RNLS: variants seen among roughly 807,000 people sequenced by gnomAD.
RNLS encodes renalase.
A neutral mutation model predicts 39.8 loss-of-function variants in RNLS; 39 were observed. That is an observed-to-expected ratio of 0.98 (90% CI 0.76 to 1.28). RNLS has a LOEUF of 1.28. Among genes scored for constraint, RNLS ranks in the 50% most tolerant of loss-of-function variants. RNLS has a pLI of 0.00. For synonymous variants in RNLS, 147 were observed against 150.7 expected, an observed-to-expected ratio of 0.98 and a Z score of 0.18; for missense variants, 410 against 413.3, an observed-to-expected ratio of 0.99 and a Z score of 0.07.
intron 4 of RNLS, among the ~76,000 whole-genome samples, chr10:88,415,274 G>A (rs1247945601): frequency 6.6e-6 from 1 of 152,192 alleles, no homozygotes; most frequent in Admixed American, 6.5e-5. Flanking sequence ...AACAATTGAT[G>A]TTGGGAATAA....
At chr10:88,273,092 T>C (rs1842694651), downstream of RNLS, among the ~76,000 whole-genome samples, 1 of 152,182 alleles carries the variant, frequency 6.6e-6, no homozygotes, top group Non-Finnish European at 1.5e-5. Flanking sequence ...CAGCCTCTGC[T>C]GGAAACATTT....
At chr10:88,255,381 T>C in the RNLS span, among the ~76,000 whole-genome samples, 1 of 152,336 alleles carries the variant, frequency 6.6e-6, no homozygotes, top group Non-Finnish European at 1.5e-5. Context: ...AAACAGCATG[T>C]CTGCCTCCTT....
chr10:88,535,618 C>A (rs1439526289), intron 4 of RNLS, among the ~76,000 whole-genome samples: 2 of 151,858 alleles, frequency 1.3e-5, no homozygotes, highest in Non-Finnish European at 2.9e-5. Context: ...ATAAAAAAAA[C>A]CTAGGTAGTA....
chr10:88,229,240 A>G, the RNLS span, among the ~76,000 whole-genome samples: 2 of 152,336 alleles, frequency 1.3e-5, no homozygotes, highest in East Asian at 3.9e-4. Context: ...TGCCTAAAAT[A>G]AAGAAATGTA....
At chr10:88,216,462 C>A in the RNLS span, among the ~76,000 whole-genome samples, 1 of 152,178 alleles carries the variant, frequency 6.6e-6, no homozygotes, top group Non-Finnish European at 1.5e-5. Context: ...AATATAATGA[C>A]CTCCCAGAAG....
intron 5 of RNLS, among the ~76,000 whole-genome samples, chr10:88,339,668 GT>G (rs1444396014): frequency 6.6e-6 from 1 of 152,164 alleles, no homozygotes; most frequent in African/African-American, 2.4e-5. Flanking sequence ...TACAGGTGTG[GT>G]GTTTTAAAGA....
intron 6 of RNLS, among the ~76,000 whole-genome samples, chr10:88,290,655 A>G (rs1843606440): frequency 2.0e-5 from 3 of 151,674 alleles, no homozygotes; most frequent in African/African-American, 4.9e-5. Context: ...AAAGGAAATA[A>G]AAGAGAAATA....
chr10:88,444,692 G>A (rs187722802), intron 4 of RNLS, among the ~76,000 whole-genome samples: 8 of 152,264 alleles, frequency 5.3e-5, no homozygotes, highest in African/African-American at 1.7e-4. Context: ...TTCAGTAGCC[G>A]ATTCGATCAA....
chr10:88,560,941 AACACACACACACACACACACAC>A (rs35709088), intron 4 of RNLS, among the ~76,000 whole-genome samples: 1 of 145,704 alleles, frequency 6.9e-6, no homozygotes, highest in Non-Finnish European at 1.5e-5. Flanking sequence ...GTTCAGAGAT[AACACACACACACACACACACAC>A]ACACACACAC....
chr10:88,208,384 A>G, the RNLS span, among the ~76,000 whole-genome samples: 2 of 152,178 alleles, frequency 1.3e-5, no homozygotes, highest in Non-Finnish European at 2.9e-5. Context: ...AAAAAAGAAT[A>G]ATTTTATAAA....
At chr10:88,519,359 A>G (rs1846580525) in intron 4 of RNLS, among the ~76,000 whole-genome samples, 1 of 151,936 alleles carries the variant, frequency 6.6e-6, no homozygotes, top group African/African-American at 2.4e-5. Flanking sequence ...TAGACAGTAG[A>G]CTAATGCTTA....
chr10:88,545,423 T>C (rs144808925), intron 4 of RNLS: 256 of 455,972 alleles, frequency 5.6e-4, no homozygotes, highest in Non-Finnish European at 9.1e-4. Context: ...ACAATCACGG[T>C]GGAAGACAAA....
chr10:88,543,687 A>G (rs910969399), intron 4 of RNLS, among the ~76,000 whole-genome samples: 1 of 152,196 alleles, frequency 6.6e-6, no homozygotes, highest in Admixed American at 6.5e-5. Flanking sequence ...AAATAAAATC[A>G]ACCATAATAA....
intron 4 of RNLS, among the ~76,000 whole-genome samples, chr10:88,546,072 T>C (rs1054356178): frequency 6.6e-6 from 1 of 152,064 alleles, no homozygotes; most frequent in Non-Finnish European, 1.5e-5. Context: ...ATATGACAAG[T>C]ACAGTGCCAT....
At chr10:88,179,810 T>C in the RNLS span, among the ~76,000 whole-genome samples, 1 of 152,190 alleles carries the variant, frequency 6.6e-6, no homozygotes, top group African/African-American at 2.4e-5. Context: ...AATCAAAGTA[T>C]TTGCTATGTC....
At chr10:88,485,543 T>A (rs1475200737) in intron 4 of RNLS, among the ~76,000 whole-genome samples, 2 of 150,854 alleles carry the variant, frequency 1.3e-5, no homozygotes. Flanking sequence ...ATCAAATCTA[T>A]GATAATAAAA....
intron 4 of RNLS, among the ~76,000 whole-genome samples, chr10:88,520,601 T>C (rs1846669099): frequency 6.6e-6 from 1 of 152,082 alleles, no homozygotes; most frequent in South Asian, 2.1e-4. Flanking sequence ...ATCCTATATG[T>C]TGCCTCTTAT....
At chr10:88,212,252 A>G in the RNLS span, among the ~76,000 whole-genome samples, 1 of 152,214 alleles carries the variant, frequency 6.6e-6, no homozygotes, top group Non-Finnish European at 1.5e-5. Flanking sequence ...TCAAGTGGGT[A>G]GCAAGCAAGA....
chr10:88,224,568 A>C, the RNLS span, among the ~76,000 whole-genome samples: 2 of 152,200 alleles, frequency 1.3e-5, no homozygotes, highest in African/African-American at 2.4e-5. Flanking sequence ...ATTGTTGATG[A>C]AATAACCCTC....
Sources: gnomAD v4.1 joint callset for allele counts (sites outside exome capture counted in the v4.1 genomes callset) on GRCh38, gnomAD v4.1.1 for gene constraint, MANE v1.5 for transcripts, NCBI Gene and HGNC (gene_info 2026-07-23, HGNC 2026-07-21) for gene names.